The following PPFIBP2 variants were observed in gnomAD, a reference collection of about 807,000 sequenced individuals.
The protein encoded by PPFIBP2 is PPFIB scaffold protein 2.
PPFIBP2 carries 118 observed loss-of-function variants against 118.3 expected under a neutral mutation model. That is an observed-to-expected ratio of 1.00 (90% CI 0.86 to 1.16). The LOEUF (loss-of-function observed/expected upper bound fraction) is 1.16. Ranked by LOEUF, PPFIBP2 falls within the 50% of genes most tolerant of loss-of-function variation. PPFIBP2 has a pLI of 0.00. For missense variants in PPFIBP2, 1,195 were observed against 1,073.1 expected (o/e 1.11, Z -1.59); for synonymous variants, 414 against 397.4 (o/e 1.04, Z -0.50).
rs890336937 is a variant in PPFIBP2, at chr11:7,641,418, G to T, written c.1376-61G>T. ...CTGAAGGGGAGGGCCCAGGCTTGGG[G>T]AAGAAGGGTTCCAGGGGTCACATCC... On this transcript the variant is annotated intron_variant, in intron 15 of 23. Coordinates refer to ENST00000299492, the MANE Select transcript of PPFIBP2 (RefSeq NM_003621.5). 95 of 1,579,710 alleles carry T rather than the reference G, an allele frequency of 6.0e-5. No individual in the cohort carries two copies. The African/African-American group carries it at 1.1e-3, about 18-fold the overall frequency.
chr11:7,636,066 T>G (rs117052358), intron 14 of PPFIBP2, among the ~76,000 whole-genome samples: 3,040 of 152,284 alleles, frequency 0.02, 51 homozygotes, highest in Non-Finnish European at 0.032. Flanking sequence ...GGATTAAGTT[T>G]TTAGGCCAGT....
chr11:7,596,951 C>T (rs753647613), intron 4 of PPFIBP2, among the ~76,000 whole-genome samples: 17 of 152,126 alleles, frequency 1.1e-4, no homozygotes, highest in Middle Eastern at 3.4e-3. Flanking sequence ...TTTCTGCCAC[C>T]GTATGTGTAA....
At chr11:7,568,129 A>T (rs759854333) in intron 3 of PPFIBP2, among the ~76,000 whole-genome samples, 2 of 152,190 alleles carry the variant, frequency 1.3e-5, no homozygotes, top group Non-Finnish European at 2.9e-5. Context: ...CTTGGCCATG[A>T]CACTGGCCTG....
At chr11:7,574,978 C>A (rs1006504200) in intron 3 of PPFIBP2, among the ~76,000 whole-genome samples, 1 of 152,170 alleles carries the variant, frequency 6.6e-6, no homozygotes, top group African/African-American at 2.4e-5. Context: ...CTCCCTTCCT[C>A]CCTTTTCTGT....
intron 1 of PPFIBP2, among the ~76,000 whole-genome samples, chr11:7,527,354 G>C (rs1850321795): frequency 1.3e-5 from 2 of 152,084 alleles, no homozygotes; most frequent in Admixed American, 6.5e-5. Flanking sequence ...GGTAGGAAGA[G>C]TGGCCATGGA....
intron 6 of PPFIBP2, 112 bp downstream of exon 6, chr11:7,610,534 C>A: frequency 7.1e-7 from 1 of 1,415,872 alleles, no homozygotes; most frequent in Non-Finnish European, 9.7e-7. Context: ...CCAGAAATAT[C>A]TATACACTAG....
At chr11:7,615,328 T>A (rs1397323970) in intron 6 of PPFIBP2, among the ~76,000 whole-genome samples, 3 of 120,132 alleles carry the variant, frequency 2.5e-5, no homozygotes, top group African/African-American at 7.4e-5. Flanking sequence ...AGAGTGAGAC[T>A]CCGTCTCAAA....
chr11:7,551,696 C>A (rs1013237099), intron 2 of PPFIBP2, among the ~76,000 whole-genome samples: 1 of 152,222 alleles, frequency 6.6e-6, no homozygotes, highest in Non-Finnish European at 1.5e-5. Flanking sequence ...CTGACACTTT[C>A]ACAATATTGA....
intron 1 of PPFIBP2, among the ~76,000 whole-genome samples, chr11:7,520,496 T>A (rs932636134): frequency 4.6e-5 from 7 of 151,368 alleles, no homozygotes; most frequent in Admixed American, 4.6e-4. Context: ...GTTTTTTACT[T>A]GGCCATAAGA....
At chr11:7,649,685 G>A in intron 21 of PPFIBP2, 31 bp downstream of exon 21, 2 of 1,612,952 alleles carry the variant, frequency 1.2e-6, no homozygotes, top group Non-Finnish European at 1.7e-6. Context: ...TCTCCAGGTA[G>A]CCCTGAGCCA....
At chr11:7,638,078 C>T (rs1354267079) in intron 14 of PPFIBP2, among the ~76,000 whole-genome samples, 1 of 152,200 alleles carries the variant, frequency 6.6e-6, no homozygotes, top group African/African-American at 2.4e-5. Context: ...TGAACACTAC[C>T]TTCTCACAGT....
At chr11:7,647,635 T>A (rs1169295770) in intron 17 of PPFIBP2, among the ~76,000 whole-genome samples, 1 of 152,206 alleles carries the variant, frequency 6.6e-6, no homozygotes, top group African/African-American at 2.4e-5. Context: ...AAATTATTGA[T>A]CTTTGTATGT....
intron 17 of PPFIBP2, 126 bp from the exon 18 acceptor site, chr11:7,648,261 T>C: frequency 9.4e-7 from 1 of 1,062,586 alleles, no homozygotes; most frequent in South Asian, 1.8e-5. Context: ...TGATGGAGGT[T>C]GTTTGTTAAA....
intron 14 of PPFIBP2, among the ~76,000 whole-genome samples, chr11:7,635,853 C>T (rs1423867065): frequency 2.6e-5 from 4 of 152,056 alleles, no homozygotes; most frequent in Non-Finnish European, 5.9e-5. Flanking sequence ...TAATCTTTAA[C>T]AAAGTAATCT....
chr11:7,601,677 C>T (rs1030045103), intron 5 of PPFIBP2, among the ~76,000 whole-genome samples: 17 of 152,122 alleles, frequency 1.1e-4, no homozygotes, highest in African/African-American at 3.4e-4. Flanking sequence ...AGTTATTTCT[C>T]GGCCAGGCGC....
At chr11:7,652,230 C>T (rs7926918) in intron 23 of PPFIBP2, among the ~76,000 whole-genome samples, 10,204 of 152,268 alleles carry the variant, frequency 0.067, 969 homozygotes, top group African/African-American at 0.21. Flanking sequence ...TCAAAGCTGT[C>T]CTGCTGATAT....
intron 6 of PPFIBP2, among the ~76,000 whole-genome samples, chr11:7,618,821 A>G (rs1848993682): frequency 6.6e-6 from 1 of 150,792 alleles, no homozygotes; most frequent in African/African-American, 2.4e-5. Context: ...ATCTCAAGTG[A>G]TCCACCCACC....
chr11:7,526,873 G>T (rs756359981), intron 1 of PPFIBP2, among the ~76,000 whole-genome samples: 1 of 152,086 alleles, frequency 6.6e-6, no homozygotes, highest in Non-Finnish European at 1.5e-5. Context: ...TGACTGGACT[G>T]TGTATATTCT....
chr11:7,518,764 C>T (rs1339162512), intron 1 of PPFIBP2, among the ~76,000 whole-genome samples: 1 of 152,176 alleles, frequency 6.6e-6, no homozygotes, highest in Non-Finnish European at 1.5e-5. Context: ...GAGAAGGGAA[C>T]ATGAACTCTT....
Sources: gnomAD v4.1 joint callset for allele counts (sites outside exome capture counted in the v4.1 genomes callset) on GRCh38, gnomAD v4.1.1 for gene constraint, MANE v1.5 for transcripts, NCBI Gene and HGNC (gene_info 2026-07-23, HGNC 2026-07-21) for gene names.